ATP10B: variants seen among roughly 807,000 people sequenced by gnomAD.
ATP10B encodes the protein phospholipid-transporting ATPase VB.
In ATP10B, 122 loss-of-function variants were observed where a neutral mutation model predicts 141.2. That is an observed-to-expected ratio of 0.86 (90% CI 0.75 to 1.00). The LOEUF is 1.00. ATP10B is among the 50% of genes least tolerant of loss of function. The probability of loss-of-function intolerance (pLI) is 0.00; values close to 1 mark genes in which losing one functional copy is unlikely to be tolerated. For missense variants in ATP10B, 1,876 were observed against 1,825.3 expected (o/e 1.03, Z -0.51); for synonymous variants, 685 against 692.0 (o/e 0.99, Z 0.16).
chr5:160,695,353 A>G (rs1187048473), intron 3 of ATP10B, among the ~76,000 whole-genome samples: 1 of 139,636 alleles, frequency 7.2e-6, no homozygotes, highest in Non-Finnish European at 1.5e-5. Flanking sequence ...TTAATACCAC[A>G]AAAGAGAGAG....
chr5:160,867,451 T>C, the ATP10B span, among the ~76,000 whole-genome samples: 1 of 152,144 alleles, frequency 6.6e-6, no homozygotes, highest in Non-Finnish European at 1.5e-5. Flanking sequence ...ATGTGAGGCA[T>C]CACTTTTATT....
At chr5:160,685,172 G>T (rs576873164) in intron 6 of ATP10B, 8 of 640,140 alleles carry the variant, frequency 1.2e-5, no homozygotes, top group Non-Finnish European at 2.3e-5. Context: ...ACCACTACTC[G>T]CTTCTTGTCT....
chr5:160,919,239 A>AAAAAAAAAAAAAAAAAAAG, the ATP10B span, among the ~76,000 whole-genome samples: 1 of 144,930 alleles, frequency 6.9e-6, no homozygotes, highest in African/African-American at 2.6e-5. Flanking sequence ...AAAAAAAAAA[A>AAAAAAAAAAAAAAAAAAAG]AAAAAAGCAG....
intron 24 of ATP10B, among the ~76,000 whole-genome samples, chr5:160,584,238 G>A (rs541421835): frequency 2.0e-5 from 3 of 152,304 alleles, no homozygotes; most frequent in Admixed American, 6.5e-5. Context: ...CTGGGCCAGA[G>A]TAGACTGTTC....
the ATP10B span, among the ~76,000 whole-genome samples, chr5:160,861,705 T>A: frequency 1.3e-5 from 2 of 151,912 alleles, no homozygotes; most frequent in Non-Finnish European, 2.9e-5. Flanking sequence ...GGTAATATAA[T>A]CCCTCTATTT....
At chr5:160,752,796 T>G (rs1768247172) in intron 2 of ATP10B, among the ~76,000 whole-genome samples, 1 of 152,128 alleles carries the variant, frequency 6.6e-6, no homozygotes, top group Non-Finnish European at 1.5e-5. Flanking sequence ...AGAAAGTAAC[T>G]TTAGGGAAGA....
chr5:160,647,459 G>A (rs770944197), intron 8 of ATP10B, among the ~76,000 whole-genome samples: 5 of 152,224 alleles, frequency 3.3e-5, no homozygotes, highest in Non-Finnish European at 7.3e-5. Context: ...GTCTCCCAGA[G>A]CAGCAACTAG....
intron 16 of ATP10B, among the ~76,000 whole-genome samples, chr5:160,616,994 T>C (rs1409484925): frequency 6.6e-6 from 1 of 152,176 alleles, no homozygotes; most frequent in East Asian, 1.9e-4. Flanking sequence ...GTGAAGAAAT[T>C]GCTCAAGGTC....
At chr5:160,725,727 G>A (rs1766302190) in intron 2 of ATP10B, among the ~76,000 whole-genome samples, 1 of 152,318 alleles carries the variant, frequency 6.6e-6, no homozygotes, top group South Asian at 2.1e-4. Context: ...TTACAGGCGT[G>A]AGCCACCACG....
the ATP10B span, among the ~76,000 whole-genome samples, chr5:160,904,934 A>G: frequency 6.6e-6 from 1 of 152,320 alleles, no homozygotes; most frequent in East Asian, 1.9e-4. Flanking sequence ...AACTCTAGCT[A>G]TTTTGCAAAT....
intron 22 of ATP10B, among the ~76,000 whole-genome samples, chr5:160,595,777 C>A (rs1220096975): frequency 1.3e-5 from 2 of 151,116 alleles, no homozygotes. Flanking sequence ...TATGCAAATA[C>A]ACTAGAAAAT....
chr5:160,649,716 C>G (rs993363167), intron 7 of ATP10B, among the ~76,000 whole-genome samples: 1 of 152,086 alleles, frequency 6.6e-6, no homozygotes, highest in East Asian at 1.9e-4. Flanking sequence ...TTATCACATT[C>G]GATACCACAG....
chr5:160,719,651 A>T (rs1244076326), intron 2 of ATP10B, among the ~76,000 whole-genome samples: 1 of 152,242 alleles, frequency 6.6e-6, no homozygotes, highest in Admixed American at 6.5e-5. Flanking sequence ...GACTTGTTTG[A>T]ACATAATCTC....
intron 2 of ATP10B, among the ~76,000 whole-genome samples, chr5:160,768,782 C>T (rs1181116371): frequency 6.6e-6 from 1 of 152,170 alleles, no homozygotes; most frequent in East Asian, 1.9e-4. Context: ...ATTCAGGAAG[C>T]TGATGGGCAT....
the ATP10B span, among the ~76,000 whole-genome samples, chr5:160,882,204 A>C: frequency 6.6e-6 from 1 of 152,314 alleles, no homozygotes; most frequent in East Asian, 1.9e-4. Flanking sequence ...TATTTGTCCA[A>C]ACACAAAGAA....
rs766364671 is a variant in ATP10B, at chr5:160,649,197, G to A, written c.735C>T (p.Asn245=). The A allele has an allele frequency of 1.3e-5, 21 of 1,613,882 alleles. No individual in the cohort carries two copies. The South Asian group carries it at 2.1e-4, about 16-fold the overall frequency. ...HNTIVCEKPN[N]HLNKFKGYME... ...TATAACCCTTAAATTTGTTGAGGTG[G>A]TTGTTGGGTTTCTCACACACGATGG... is the stretch of plus-strand genomic sequence containing the variant. Residue 245 remains asparagine (N), a synonymous_variant, in exon 8 of 26, where the codon AAC becomes AAT. Transcript: ENST00000327245.
At chr5:160,916,388 G>A in the ATP10B span, among the ~76,000 whole-genome samples, 1 of 149,968 alleles carries the variant, frequency 6.7e-6, no homozygotes. Flanking sequence ...TGAATTGAAG[G>A]CAAAAGATGT....
At chr5:160,902,661 G>A in the ATP10B span, among the ~76,000 whole-genome samples, 1 of 152,140 alleles carries the variant, frequency 6.6e-6, no homozygotes. Context: ...AAAAGTTTGG[G>A]CATCTTTTCT....
At chr5:160,818,242 T>C (rs1773826694) in intron 1 of ATP10B, among the ~76,000 whole-genome samples, 1 of 152,164 alleles carries the variant, frequency 6.6e-6, no homozygotes, top group Admixed American at 6.5e-5. Flanking sequence ...ATTTTTGCAA[T>C]CTACTCATCT....
Sources: gnomAD v4.1 joint callset for allele counts (sites outside exome capture counted in the v4.1 genomes callset) on GRCh38, gnomAD v4.1.1 for gene constraint, MANE v1.5 for transcripts, NCBI Gene and HGNC (gene_info 2026-07-23, HGNC 2026-07-21) for gene names.